Variants in SHISA9 observed in about 807,000 individuals in gnomAD.
SHISA9 encodes protein shisa-9.
In SHISA9, 13 loss-of-function variants were observed where a neutral mutation model predicts 38.0. The observed-to-expected ratio is 0.34, with a 90% CI of 0.22 to 0.54. The LOEUF (loss-of-function observed/expected upper bound fraction) is 0.54. Among genes scored for constraint, SHISA9 ranks in the 20% least tolerant of loss-of-function variants. The pLI is 0.91. For synonymous variants in SHISA9, 275 were observed against 242.0 expected, an observed-to-expected ratio of 1.14 and a Z score of -1.27; for missense variants, 538 against 575.8, an observed-to-expected ratio of 0.93 and a Z score of 0.67.
chr16:13,235,272 C>T lies in SHISA9; in HGVS notation c.1138C>T (p.Arg380Trp). The change falls in exon 5 of 5, where the codon CGG (arginine) becomes TGG (tryptophan). Residue 380 changes from arginine (R) to tryptophan (W), a missense_variant. Transcript: ENST00000558583. ...GWDPNEQSLR[R>W]QAYSNKGKLG... is the part of the protein sequence containing the mutation. ...GGACCCCAACGAGCAGTCCCTCCGG[C>T]GGCAGGCTTACAGCAACAAGGGCAA... is the stretch of plus-strand genomic sequence containing the variant. 2 of 1,551,630 alleles carry T rather than the reference C, an allele frequency of 1.3e-6. No homozygotes were observed. Among genetic ancestry groups the T allele is most frequent in the Non-Finnish European group, 8.7e-7 (1 of 1,147,016 alleles).
chr16:13,279,760 TATTTGGTC>T, the SHISA9 span, among the ~76,000 whole-genome samples: 1 of 151,920 alleles, frequency 6.6e-6, no homozygotes, highest in Non-Finnish European at 1.5e-5. Flanking sequence ...GTCATGTCAG[TATTTGGTC>T]CATTTGTTTT....
At chr16:13,145,419 C>G (rs189992564) in intron 2 of SHISA9, among the ~76,000 whole-genome samples, 3 of 152,126 alleles carry the variant, frequency 2.0e-5, no homozygotes, top group Non-Finnish European at 4.4e-5. Flanking sequence ...CCCAGCTACT[C>G]GGGAGGCTGA....
the SHISA9 span, among the ~76,000 whole-genome samples, chr16:13,252,957 A>G: frequency 6.6e-6 from 1 of 152,320 alleles, no homozygotes; most frequent in East Asian, 1.9e-4. Flanking sequence ...AAATAGCAAG[A>G]CCAACTCCTC....
chr16:13,225,248 C>G (rs74014611), intron 4 of SHISA9, among the ~76,000 whole-genome samples: 5,182 of 152,250 alleles, frequency 0.034, 127 homozygotes, highest in African/African-American at 0.06. Flanking sequence ...CTAGCAGAGC[C>G]TTCAGATGGA....
the SHISA9 span, among the ~76,000 whole-genome samples, chr16:13,253,750 A>C: frequency 2.6e-5 from 4 of 152,194 alleles, no homozygotes; most frequent in African/African-American, 9.6e-5. Flanking sequence ...ACACAGCCAA[A>C]CCATATCAGA....
In SHISA9 at chr16:12,974,481, T is replaced by G. The variant is rs921354761; in HGVS notation, c.691+57666T>G. ...TGGCTAGCAAGTGATTTCTGGTGGTTTTTTTTTTTTTTTTTTTTTTTTTTT... is the reference window on the plus strand; with the variant it reads ...TGGCTAGCAAGTGATTTCTGGTGGTGTTTTTTTTTTTTTTTTTTTTTTTTT... On this transcript the variant is annotated intron_variant, in intron 2 of 4. Coordinates refer to ENST00000558583, the MANE Select transcript of SHISA9 (RefSeq NM_001145204.3). 7.2e-3 allele frequency among the ~76,000 whole-genome samples: 344 copies of G among 47,646 alleles called. 5 individuals are homozygous for G. Among genetic ancestry groups the G allele is most frequent in the African/African-American group, 0.022 (323 of 14,566 alleles). 31.3% of individuals were successfully genotyped at this position (47,646 alleles called of 152,430 possible). A position where few individuals can be genotyped will look rare whatever the true frequency, so the allele number is the denominator to read the frequency against.
chr16:13,362,689 T>C, the SHISA9 span, among the ~76,000 whole-genome samples: 393 of 152,340 alleles, frequency 2.6e-3, 1 homozygote, highest in African/African-American at 9.0e-3. Context: ...CCTTATCCCA[T>C]ATCCCTGGTG....
chr16:13,530,816 A>G, the SHISA9 span, among the ~76,000 whole-genome samples: 1 of 152,280 alleles, frequency 6.6e-6, no homozygotes, highest in Non-Finnish European at 1.5e-5. Context: ...TGGTCTGGAG[A>G]AAATCCCATT....
At chr16:13,000,344 A>G (rs759084710) in intron 2 of SHISA9, among the ~76,000 whole-genome samples, 2 of 152,202 alleles carry the variant, frequency 1.3e-5, no homozygotes, top group Non-Finnish European at 2.9e-5. Flanking sequence ...GAAATAGGAA[A>G]GCAAGAGTAG....
At chr16:13,401,364 C>T in the SHISA9 span, among the ~76,000 whole-genome samples, 3 of 152,200 alleles carry the variant, frequency 2.0e-5, no homozygotes, top group African/African-American at 4.8e-5. Context: ...TCCAGAGCCA[C>T]GCCCTTCCCA....
intron 2 of SHISA9, among the ~76,000 whole-genome samples, chr16:13,083,204 G>A (rs200172985): frequency 3.3e-5 from 5 of 152,166 alleles, no homozygotes; most frequent in Non-Finnish European, 5.9e-5. Context: ...CTGGCAGTTC[G>A]TGGCTACTCC....
At chr16:13,524,733 ATT>A in the SHISA9 span, among the ~76,000 whole-genome samples, 51 of 145,864 alleles carry the variant, frequency 3.5e-4, no homozygotes, top group South Asian at 2.4e-3. Flanking sequence ...TAATTTTTTA[ATT>A]TTTTTTTTTT....
At chr16:13,282,770 G>C in the SHISA9 span, among the ~76,000 whole-genome samples, 1 of 151,992 alleles carries the variant, frequency 6.6e-6, no homozygotes, top group Non-Finnish European at 1.5e-5. Context: ...CACCCAGTGA[G>C]TTTCTAAATT....
At chr16:13,561,147 A>G in the SHISA9 span, among the ~76,000 whole-genome samples, 13,757 of 152,206 alleles carry the variant, frequency 0.09, 829 homozygotes, top group Middle Eastern at 0.14. Flanking sequence ...GATTAAAAGC[A>G]TGGGCCGCCG....
chr16:13,263,604 T>C, the SHISA9 span, among the ~76,000 whole-genome samples: 2 of 152,214 alleles, frequency 1.3e-5, no homozygotes, highest in African/African-American at 4.8e-5. Context: ...GCCTGCAGAA[T>C]TGTGAGCCAA....
chr16:13,117,889 A>T (rs2074046171), intron 2 of SHISA9, among the ~76,000 whole-genome samples: 1 of 152,120 alleles, frequency 6.6e-6, no homozygotes, highest in African/African-American at 2.4e-5. Flanking sequence ...GCCCTTAAAA[A>T]GCTCACAGTC....
At chr16:13,532,880 T>G in the SHISA9 span, among the ~76,000 whole-genome samples, 1 of 152,120 alleles carries the variant, frequency 6.6e-6, no homozygotes. Flanking sequence ...TCCATCCTCG[T>G]GAGTCTAATA....
At chr16:12,933,230 T>TA (rs1194368574) in intron 2 of SHISA9, among the ~76,000 whole-genome samples, 4 of 152,186 alleles carry the variant, frequency 2.6e-5, no homozygotes, top group African/African-American at 9.7e-5. Context: ...CAGACCACCA[T>TA]AAAACCACAT....
At chr16:12,914,036 G>C (rs953143376) in intron 1 of SHISA9, among the ~76,000 whole-genome samples, 2 of 143,706 alleles carry the variant, frequency 1.4e-5, no homozygotes, top group African/African-American at 5.2e-5. Context: ...TTTCTTTTTT[G>C]TTTGTTTTTC....
Sources: gnomAD v4.1 joint callset for allele counts (sites outside exome capture counted in the v4.1 genomes callset) on GRCh38, gnomAD v4.1.1 for gene constraint, MANE v1.5 for transcripts, NCBI Gene and HGNC (gene_info 2026-07-23, HGNC 2026-07-21) for gene names.